PRRG1: variants seen among roughly 807,000 people sequenced by gnomAD.
The protein encoded by PRRG1 is proline rich and Gla domain 1.
In PRRG1, 5 loss-of-function variants were observed where a neutral mutation model predicts 11.8. The ratio of observed to expected loss-of-function variants is 0.42; its 90% CI spans 0.22 to 0.89. The LOEUF is 0.89. Ranked by LOEUF, PRRG1 falls within the 40% of genes least tolerant of loss-of-function variation. The probability of loss-of-function intolerance (pLI) is 0.28; values close to 1 mark genes in which losing one functional copy is unlikely to be tolerated. For synonymous variants in PRRG1, 66 were observed against 60.4 expected (o/e 1.09, Z -0.43); for missense variants, 155 against 166.1 (o/e 0.93, Z 0.37).
Position 37,398,745 on chromosome X carries a change from C to A in PRRG1, c.-41-7464C>A, listed in dbSNP as rs782699464. ...TTAAAAACTTTGAAAAAAATTTAGACGAATGTATAACTAGAATAACCAATA... is the reference window on the plus strand; with the variant it reads ...TTAAAAACTTTGAAAAAAATTTAGAAGAATGTATAACTAGAATAACCAATA... On this transcript the variant is annotated intron_variant, in intron 1 of 3. Coordinates refer to ENST00000378628, the MANE Select transcript of PRRG1 (RefSeq NM_001142395.2). Among the ~76,000 whole-genome samples the A allele has an allele frequency of 6.8e-3, 758 of 111,289 alleles. 4 individuals are homozygous for A. The highest frequency in any genetic ancestry group is 0.024 in the African/African-American group (721 of 30,615).
chrX:37,404,158 A>G (rs1365410020), intron 1 of PRRG1, among the ~76,000 whole-genome samples: 1 of 111,961 alleles, frequency 8.9e-6, no homozygotes, highest in African/African-American at 3.2e-5. Flanking sequence ...AAAATAAAAT[A>G]TGAGAAGTCC....
intron 2 of PRRG1, among the ~76,000 whole-genome samples, chrX:37,416,652 A>G (rs1214768246): frequency 1.8e-5 from 2 of 112,109 alleles, no homozygotes; most frequent in Non-Finnish European, 3.8e-5. Context: ...GTCATGACAA[A>G]TTACACTAAT....
chrX:37,389,999 A>G (rs936023188), intron 1 of PRRG1, among the ~76,000 whole-genome samples: 3 of 112,168 alleles, frequency 2.7e-5, no homozygotes, highest in Non-Finnish European at 5.6e-5. Context: ...CTATAACAAA[A>G]TACTTTAGGT....
intron 2 of PRRG1, among the ~76,000 whole-genome samples, chrX:37,414,232 A>G (rs1932429169): frequency 1.8e-5 from 2 of 111,250 alleles, no homozygotes; most frequent in Admixed American, 1.9e-4. Flanking sequence ...AGAGTTCTTT[A>G]TACATTTTGG....
intron 3 of PRRG1, among the ~76,000 whole-genome samples, chrX:37,438,150 T>G (rs1288663210): frequency 1.8e-5 from 2 of 110,352 alleles, no homozygotes; most frequent in Non-Finnish European, 3.8e-5. Context: ...AAGCGGAGGC[T>G]GCAGTGAGCC....
chrX:37,448,317 A>C (rs1444771350), intron 3 of PRRG1, among the ~76,000 whole-genome samples: 1 of 110,725 alleles, frequency 9.0e-6, no homozygotes, highest in Non-Finnish European at 1.9e-5. Flanking sequence ...TGAACACCTG[A>C]CCTGTGAGCA....
At position 37,454,570 on chromosome X, in the gene PRRG1, TTAAAA is replaced by T. The variant is rs1361504615; in HGVS notation, c.*956_*960del. The T allele has an allele frequency of 2.7e-5, 3 of 112,320 alleles. No homozygotes were observed. The highest frequency in any genetic ancestry group is 5.6e-5 in the Non-Finnish European group (3 of 53,312). 9.3% of individuals were successfully genotyped at this position (112,320 alleles called of 1,213,427 possible). A position where few individuals can be genotyped will look rare whatever the true frequency, so the allele number is the denominator to read the frequency against. ...AATTTTCAAGCCCTTAAGAGTTTAG[TTAAAA>T]TAAAATTTTTGAAATTATTGTCTTA... On this transcript the variant is annotated 3_prime_UTR_variant, in exon 4 of 4. Transcript: ENST00000378628.
intron 1 of PRRG1, among the ~76,000 whole-genome samples, chrX:37,404,974 G>A (rs782689362): frequency 4.2e-4 from 47 of 111,935 alleles, no homozygotes; most frequent in African/African-American, 1.2e-3. Flanking sequence ...AACGCCCATC[G>A]CTTACAGAAA....
chrX:37,352,881 C>T lies in PRRG1; in HGVS notation c.-42+3486C>T, dbSNP rs782701719. On this transcript the variant is annotated intron_variant, in intron 1 of 3. Coordinates refer to ENST00000378628, the MANE Select transcript of PRRG1 (RefSeq NM_001142395.2). ...TGGTTCCCATAAGATTATAATGGAG[C>T]TGAAAAACCTGGTGACTTTGTAGCC... is the stretch of plus-strand genomic sequence containing the variant. 6.3e-5 allele frequency among the ~76,000 whole-genome samples: 7 copies of T among 111,860 alleles called. No homozygotes were observed. The East Asian group carries it at 1.9e-3, about 31-fold the overall frequency.
At chrX:37,447,427 C>CTTAAGGTCTCATAATCATTCTTCAATGTA in intron 3 of PRRG1, among the ~76,000 whole-genome samples, 1 of 112,298 alleles carries the variant, frequency 8.9e-6, no homozygotes, top group Non-Finnish European at 1.9e-5. Context: ...TGCTGATAAA[C>CTTAAGGTCTCATAATCATTCTTCAATGTA]TTAAGGTCTC....
chrX:37,402,958 A>G (rs1199360824), intron 1 of PRRG1, among the ~76,000 whole-genome samples: 4 of 111,675 alleles, frequency 3.6e-5, no homozygotes, highest in Non-Finnish European at 5.6e-5. Context: ...TAGAATGGCA[A>G]TCATTAAAAA....
intron 1 of PRRG1, among the ~76,000 whole-genome samples, chrX:37,367,293 G>C (rs1290574668): frequency 2.7e-5 from 3 of 112,175 alleles, no homozygotes; most frequent in Admixed American, 1.9e-4. Flanking sequence ...AACTGTGTTT[G>C]TAGATTTTGA....
At chrX:37,398,989 C>A (rs1208891153) in intron 1 of PRRG1, among the ~76,000 whole-genome samples, 5 of 111,735 alleles carry the variant, frequency 4.5e-5, no homozygotes, top group Non-Finnish European at 7.5e-5. Flanking sequence ...TGTGAAAAGA[C>A]CAAATCTACA....
intron 2 of PRRG1, among the ~76,000 whole-genome samples, chrX:37,411,551 T>G (rs371097402): frequency 8.9e-6 from 1 of 112,089 alleles, no homozygotes; most frequent in Non-Finnish European, 1.9e-5. Context: ...TTACAGTGTT[T>G]CGGTAGAATT....
chrX:37,408,990 G>A (rs1932278038), intron 2 of PRRG1, among the ~76,000 whole-genome samples: 1 of 111,635 alleles, frequency 9.0e-6, no homozygotes, highest in African/African-American at 3.3e-5. Context: ...CAGGCAATTA[G>A]TAGTTGACCT....
At chrX:37,451,874 A>T (rs17145201) in intron 3 of PRRG1, among the ~76,000 whole-genome samples, 2,581 of 112,073 alleles carry the variant, frequency 0.023, 74 homozygotes, top group African/African-American at 0.078. Flanking sequence ...TTGGTGTTTT[A>T]TCTAAATTCC....
intron 1 of PRRG1, among the ~76,000 whole-genome samples, chrX:37,400,036 G>T (rs1288506093): frequency 9.0e-6 from 1 of 111,335 alleles, no homozygotes; most frequent in East Asian, 2.8e-4. Context: ...AATAATGGGA[G>T]ACTTTAACAC....
chrX:37,407,957 A>T (rs1056695225), intron 2 of PRRG1, among the ~76,000 whole-genome samples: 17 of 112,292 alleles, frequency 1.5e-4, no homozygotes, highest in African/African-American at 4.2e-4. Flanking sequence ...TGTTTTCTCC[A>T]GAGCTGCCCT....
At chrX:37,377,121 A>G (rs1930994710) in intron 1 of PRRG1, among the ~76,000 whole-genome samples, 1 of 111,726 alleles carries the variant, frequency 9.0e-6, no homozygotes, top group Non-Finnish European at 1.9e-5. Context: ...TTCATCTTGC[A>G]TTCATGTTGA....
Sources: gnomAD v4.1 joint callset for allele counts (sites outside exome capture counted in the v4.1 genomes callset) on GRCh38, gnomAD v4.1.1 for gene constraint, MANE v1.5 for transcripts, NCBI Gene and HGNC (gene_info 2026-07-23, HGNC 2026-07-21) for gene names.